LRRC4C: variants seen among roughly 807,000 people sequenced by gnomAD.
The protein encoded by LRRC4C is leucine rich repeat containing 4C, also known as leucine-rich repeat-containing protein 4C.
LRRC4C carries 5 observed loss-of-function variants against 33.6 expected under a neutral mutation model. The ratio of observed to expected loss-of-function variants is 0.15; its 90% CI spans 0.08 to 0.31. LRRC4C has a LOEUF of 0.31. Ranked by LOEUF, LRRC4C falls within the 10% of genes least tolerant of loss-of-function variation. The probability of loss-of-function intolerance (pLI) is 1.00; values close to 1 mark genes in which losing one functional copy is unlikely to be tolerated. For missense variants in LRRC4C, 560 were observed against 796.7 expected, an observed-to-expected ratio of 0.70 and a Z score of 3.58; for synonymous variants, 329 against 302.0, an observed-to-expected ratio of 1.09 and a Z score of -0.93.
intron 2 of LRRC4C, among the ~76,000 whole-genome samples, chr11:40,709,534 C>T (rs1373281832): frequency 6.6e-6 from 1 of 152,156 alleles, no homozygotes; most frequent in African/African-American, 2.4e-5. Context: ...ATATTGACCC[C>T]TACTCTCTTC....
At chr11:41,458,018 A>T (rs1350190328) in intron 1 of LRRC4C, among the ~76,000 whole-genome samples, 4 of 152,138 alleles carry the variant, frequency 2.6e-5, no homozygotes, top group African/African-American at 9.7e-5. Context: ...ATATATATAT[A>T]ATCAACGTTT....
intron 1 of LRRC4C, among the ~76,000 whole-genome samples, chr11:41,067,129 A>G (rs956621120): frequency 6.6e-6 from 1 of 152,214 alleles, no homozygotes; most frequent in Non-Finnish European, 1.5e-5. Context: ...GGCAAATTGA[A>G]TAAAGAGTCA....
At chr11:41,117,177 C>T (rs922083513) in intron 1 of LRRC4C, among the ~76,000 whole-genome samples, 3 of 152,134 alleles carry the variant, frequency 2.0e-5, no homozygotes, top group African/African-American at 7.2e-5. Flanking sequence ...ACCCTACCTG[C>T]AGTTGACTGC....
At chr11:41,018,397 C>T (rs1855737853) in intron 1 of LRRC4C, among the ~76,000 whole-genome samples, 1 of 149,782 alleles carries the variant, frequency 6.7e-6, no homozygotes, top group Non-Finnish European at 1.5e-5. Flanking sequence ...TTTTTGACAA[C>T]CACCAGGGAT....
At chr11:40,347,184 C>A (rs1947174993) in intron 3 of LRRC4C, among the ~76,000 whole-genome samples, 1 of 152,204 alleles carries the variant, frequency 6.6e-6, no homozygotes, top group Non-Finnish European at 1.5e-5. Flanking sequence ...GCTAGATTTT[C>A]TGAATAACTT....
At chr11:40,276,895 G>C (rs1329779504) in intron 4 of LRRC4C, among the ~76,000 whole-genome samples, 1 of 152,056 alleles carries the variant, frequency 6.6e-6, no homozygotes, top group Non-Finnish European at 1.5e-5. Context: ...CCAATGCCCG[G>C]AGAAGCTGAA....
At chr11:41,414,128 G>T (rs1954591615) in intron 1 of LRRC4C, among the ~76,000 whole-genome samples, 1 of 152,172 alleles carries the variant, frequency 6.6e-6, no homozygotes. Context: ...AAACGGAAAG[G>T]ATGGTATAAA....
chr11:40,680,632 C>T (rs1449042827), intron 2 of LRRC4C, among the ~76,000 whole-genome samples: 1 of 152,134 alleles, frequency 6.6e-6, no homozygotes, highest in African/African-American at 2.4e-5. Context: ...TTGCCTGCTG[C>T]CATTCACATA....
At chr11:41,123,277 T>G (rs866044293) in intron 1 of LRRC4C, among the ~76,000 whole-genome samples, 2,431 of 115,842 alleles carry the variant, frequency 0.021, 76 homozygotes, top group African/African-American at 0.07. Flanking sequence ...TTTTTTTTTT[T>G]TTTTTTTTTT....
At chr11:41,167,555 T>C (rs182177725) in intron 1 of LRRC4C, among the ~76,000 whole-genome samples, 4 of 152,302 alleles carry the variant, frequency 2.6e-5, no homozygotes, top group African/African-American at 9.6e-5. Context: ...CAAATCAAAC[T>C]GTGGGGAAAC....
intron 3 of LRRC4C, among the ~76,000 whole-genome samples, chr11:40,597,418 C>T (rs1342158935): frequency 6.6e-6 from 1 of 152,100 alleles, no homozygotes; most frequent in African/African-American, 2.4e-5. Flanking sequence ...GATCCATATC[C>T]TGGGAATATT....
intron 5 of LRRC4C, among the ~76,000 whole-genome samples, chr11:40,151,266 GAC>G (rs1325332529): frequency 6.6e-6 from 1 of 152,152 alleles, no homozygotes; most frequent in Non-Finnish European, 1.5e-5. Context: ...CCAGACAACA[GAC>G]TCTGAAATGT....
chr11:40,237,824 C>T (rs550301454), intron 5 of LRRC4C, among the ~76,000 whole-genome samples: 2 of 152,032 alleles, frequency 1.3e-5, no homozygotes, highest in Non-Finnish European at 2.9e-5. Context: ...ATCACGATAT[C>T]CTATACCACC....
chr11:40,870,616 T>C (rs966955645), intron 2 of LRRC4C, among the ~76,000 whole-genome samples: 3 of 152,236 alleles, frequency 2.0e-5, no homozygotes, highest in Admixed American at 6.5e-5. Context: ...ATTGTGAAGA[T>C]TTCATGGACA....
At chr11:41,299,603 T>C (rs898372376) in intron 1 of LRRC4C, among the ~76,000 whole-genome samples, 2 of 152,148 alleles carry the variant, frequency 1.3e-5, no homozygotes, top group African/African-American at 4.8e-5. Flanking sequence ...GAGAGGGTAT[T>C]TTGTAAAATA....
intron 1 of LRRC4C, among the ~76,000 whole-genome samples, chr11:41,347,999 A>G (rs928438324): frequency 3.3e-5 from 5 of 152,228 alleles, no homozygotes; most frequent in African/African-American, 9.6e-5. Flanking sequence ...GGCATCTATC[A>G]TTCTGTTGAT....
chr11:40,306,556 C>T (rs1161110735), intron 4 of LRRC4C, among the ~76,000 whole-genome samples: 1 of 152,164 alleles, frequency 6.6e-6, no homozygotes, highest in African/African-American at 2.4e-5. Context: ...CACTCCAGTT[C>T]AGATCCTGAC....
At chr11:41,249,464 T>A (rs1241647809) in intron 1 of LRRC4C, among the ~76,000 whole-genome samples, 2 of 152,202 alleles carry the variant, frequency 1.3e-5, no homozygotes, top group Non-Finnish European at 2.9e-5. Flanking sequence ...AATTCATTTC[T>A]CTATTCGAAA....
intron 3 of LRRC4C, among the ~76,000 whole-genome samples, chr11:40,628,980 A>T (rs78847148): frequency 0.058 from 8,833 of 152,248 alleles, 469 homozygotes; most frequent in African/African-American, 0.14. Context: ...TTTACTTGTT[A>T]ACTAAACAAA....
Sources: allele counts gnomAD v4.1 joint callset (sites outside exome capture counted in the v4.1 genomes callset), GRCh38; gene constraint gnomAD v4.1.1; transcripts MANE v1.5; gene names NCBI Gene and HGNC (gene_info 2026-07-23, HGNC 2026-07-21).